Variants in AAGAB observed in about 807,000 individuals in gnomAD.
AAGAB encodes alpha- and gamma-adaptin-binding protein p34.
In AAGAB, 38 loss-of-function variants were observed where a neutral mutation model predicts 44.1. That is an observed-to-expected ratio of 0.86 (90% CI 0.67 to 1.13). AAGAB has a LOEUF of 1.13. Ranked by LOEUF, AAGAB falls within the 50% of genes most tolerant of loss-of-function variation. The pLI is 0.00. For missense variants in AAGAB, 450 were observed against 373.8 expected, an observed-to-expected ratio of 1.20 and a Z score of -1.68; for synonymous variants, 131 against 131.8, an observed-to-expected ratio of 0.99 and a Z score of 0.04.
chr15:67,205,929 A>G (rs1030720244), intron 7 of AAGAB, among the ~76,000 whole-genome samples: 5 of 152,218 alleles, frequency 3.3e-5, no homozygotes, highest in Admixed American at 3.3e-4. Flanking sequence ...CAGAGTTTCT[A>G]TATGCTCTTC....
intron 5 of AAGAB, among the ~76,000 whole-genome samples, chr15:67,226,134 C>CTT (rs796612040): frequency 6.8e-6 from 1 of 145,990 alleles, no homozygotes. Flanking sequence ...AGCATCTTTT[C>CTT]TTTTTTTTTT....
intron 9 of AAGAB, 23 bp from the exon 10 acceptor site, chr15:67,202,921 A>C: frequency 6.2e-7 from 1 of 1,609,664 alleles, no homozygotes; most frequent in Non-Finnish European, 8.5e-7. Context: ...GCATGCAACA[A>C]ATTTTAGGCA....
chr15:67,223,965 A>AT (rs1288856577), intron 5 of AAGAB, among the ~76,000 whole-genome samples: 5 of 152,142 alleles, frequency 3.3e-5, no homozygotes, highest in African/African-American at 1.2e-4. Flanking sequence ...CCTTGCTCAA[A>AT]TCTCAAGAAG....
chr15:67,229,791 C>A (rs1964292829), intron 5 of AAGAB, among the ~76,000 whole-genome samples: 1 of 151,970 alleles, frequency 6.6e-6, no homozygotes, highest in Non-Finnish European at 1.5e-5. Context: ...TTCTACTTGA[C>A]CTTTATCACG....
Position 67,203,506 on chromosome 15 carries a change from C to A in AAGAB, c.870+42G>T, listed in dbSNP as rs533720832. The A allele has an allele frequency of 4.1e-5, 64 of 1,554,886 alleles. 1 individual carries two copies. In the South Asian group the frequency reaches 6.3e-4, roughly 15 times the overall value. On this transcript the variant is annotated intron_variant, in intron 9 of 9. Transcript: ENST00000261880. ...ATATAATTATAATAATAGCACTGGA[C>A]CTTTTATAGGTATTCAATAAATACC...
At chr15:67,208,744 G>A in intron 6 of AAGAB, 86 bp from the exon 7 acceptor site, 1 of 1,198,688 alleles carries the variant, frequency 8.3e-7, no homozygotes, top group South Asian at 1.3e-5. Flanking sequence ...TTCAGTCCTT[G>A]GTTGGCTTGA....
At chr15:67,247,235 T>G (rs866543769) in intron 1 of AAGAB, among the ~76,000 whole-genome samples, 2 of 152,246 alleles carry the variant, frequency 1.3e-5, no homozygotes, top group Non-Finnish European at 2.9e-5. Context: ...CACGGCTTCA[T>G]TCTTGAAGTC....
At chr15:67,220,681 T>C (rs1192218959) in intron 5 of AAGAB, 2 of 152,224 alleles carry the variant, frequency 1.3e-5, no homozygotes, top group Non-Finnish European at 2.9e-5. Context: ...GAACATGTAA[T>C]CTGGGTGAAC....
chr15:67,225,440 TA>T (rs2140365206), intron 5 of AAGAB, among the ~76,000 whole-genome samples: 2 of 152,284 alleles, frequency 1.3e-5, no homozygotes, highest in South Asian at 2.1e-4. Flanking sequence ...TCCAGCCTTT[TA>T]AAAATGTATG....
chr15:67,253,135 G>A (rs968753378), intron 1 of AAGAB, among the ~76,000 whole-genome samples: 1 of 152,150 alleles, frequency 6.6e-6, no homozygotes, highest in African/African-American at 2.4e-5. Context: ...GATAGAAGGT[G>A]AAGGGGCCGG....
In AAGAB at chr15:67,202,732, G is replaced by T; in HGVS notation, c.*89C>A. On this transcript the variant is annotated 3_prime_UTR_variant, in exon 10 of 10. Transcript: ENST00000261880. ...AAGTCAGGCAGCCAACATGATAAGG[G>T]CAATTTTGGCAAAATATGACTGGGC... 7.7e-7 allele frequency: 1 copy of T among 1,298,170 alleles called. No homozygotes were observed. The highest frequency in any genetic ancestry group is 1.1e-6 in the Non-Finnish European group (1 of 895,638). 80.4% of individuals were successfully genotyped at this position (1,298,170 alleles called of 1,614,324 possible).
At chr15:67,218,018 T>C (rs1307447094) in intron 5 of AAGAB, among the ~76,000 whole-genome samples, 1 of 152,232 alleles carries the variant, frequency 6.6e-6, no homozygotes, top group Non-Finnish European at 1.5e-5. Context: ...TTATTGTTTC[T>C]ACTATTAAGA....
rs148675535 is a variant in AAGAB at position 67,245,721 on chromosome 15, A to G, written c.73+8838T>C. 5.3e-3 allele frequency among the ~76,000 whole-genome samples: 803 copies of G among 152,370 alleles called. 4 individuals carry two copies. Among genetic ancestry groups the G allele is most frequent in the African/African-American group, 0.019 (778 of 41,588 alleles). On this transcript the variant is annotated intron_variant, in intron 1 of 9. Transcript: ENST00000261880. ...ACATAATATTTTAGGTACTTAGAAC[A>G]ATGGATGGCACATGTGAACAAATCT...
chr15:67,228,844 G>A (rs914022782), intron 5 of AAGAB, among the ~76,000 whole-genome samples: 1 of 152,096 alleles, frequency 6.6e-6, no homozygotes, highest in Non-Finnish European at 1.5e-5. Context: ...CACAGCTGGA[G>A]GCCATAATCC....
At chr15:67,243,739 T>C (rs1356261073) in intron 1 of AAGAB, among the ~76,000 whole-genome samples, 1 of 152,212 alleles carries the variant, frequency 6.6e-6, no homozygotes, top group African/African-American at 2.4e-5. Context: ...AATGCAAAAT[T>C]GGTTTTATTC....
At chr15:67,235,681 AG>A (rs1340928485) in intron 4 of AAGAB, among the ~76,000 whole-genome samples, 3 of 152,218 alleles carry the variant, frequency 2.0e-5, no homozygotes, top group Non-Finnish European at 2.9e-5. Context: ...CTCCTTCTTC[AG>A]CAGTAGGGAA....
Position 67,236,824 on chromosome 15 carries a change from AAAAT to A in AAGAB, c.74-8_74-5del. On this transcript the variant is annotated splice_polypyrimidine_tract_variant and splice_region_variant and intron_variant, in intron 1 of 9. Coordinates refer to ENST00000261880, the MANE Select transcript of AAGAB (RefSeq NM_024666.5). ...AGATCTTCTGTTCCAAGGATATCTA[AAAAT>A]AAATGACAACATTACCATGTAAAGT... The A allele has an allele frequency of 6.3e-7, 1 of 1,597,576 alleles. No individual in the cohort carries two copies. The highest frequency in any genetic ancestry group is 1.7e-5 in the Admixed American group (1 of 57,408).
chr15:67,229,481 ACTC>A (rs902498617), intron 5 of AAGAB, among the ~76,000 whole-genome samples: 8 of 151,778 alleles, frequency 5.3e-5, no homozygotes, highest in African/African-American at 1.7e-4. Flanking sequence ...ACCCAAAAAA[ACTC>A]CTTGTTCTTT....
chr15:67,237,132 A>G (rs904058232), intron 1 of AAGAB, among the ~76,000 whole-genome samples: 10 of 152,316 alleles, frequency 6.6e-5, no homozygotes, highest in African/African-American at 2.2e-4. Flanking sequence ...AGTAGAAGAC[A>G]AAGAATGACA....
Sources: allele counts gnomAD v4.1 joint callset (sites outside exome capture counted in the v4.1 genomes callset), GRCh38; gene constraint gnomAD v4.1.1; transcripts MANE v1.5; gene names NCBI Gene and HGNC (gene_info 2026-07-23, HGNC 2026-07-21).